MYO9A: variants seen among roughly 807,000 people sequenced by gnomAD.
The protein encoded by MYO9A is unconventional myosin-IXa.
A neutral mutation model predicts 293.3 loss-of-function variants in MYO9A; 103 were observed. The ratio of observed to expected loss-of-function variants is 0.35; its 90% CI spans 0.30 to 0.41. MYO9A has a LOEUF of 0.41. Among genes scored for constraint, MYO9A ranks in the 10% least tolerant of loss-of-function variants. The pLI is 1.00. For synonymous variants in MYO9A, 1,001 were observed against 1,035.7 expected, an observed-to-expected ratio of 0.97 and a Z score of 0.64; for missense variants, 2,685 against 3,033.0, an observed-to-expected ratio of 0.89 and a Z score of 2.69.
intron 6 of MYO9A, among the ~76,000 whole-genome samples, chr15:72,014,172 G>T (rs957763934): frequency 7.9e-5 from 12 of 152,180 alleles, no homozygotes; most frequent in Admixed American, 7.9e-4. Context: ...CAAGCAGCAA[G>T]CAGCATTGGC....
intron 26 of MYO9A, chr15:71,891,887 A>G (rs528385303): frequency 2.6e-5 from 4 of 152,328 alleles, no homozygotes; most frequent in African/African-American, 7.2e-5. Context: ...GACAATTCAA[A>G]CAGCTTAAAA....
At chr15:72,084,993 TCA>T (rs1371762637) in intron 1 of MYO9A, among the ~76,000 whole-genome samples, 1 of 152,242 alleles carries the variant, frequency 6.6e-6, no homozygotes, top group Admixed American at 6.5e-5. Context: ...TTTTGTTTGT[TCA>T]TCTTCATTCT....
At chr15:71,938,448 G>A (rs368184126) in intron 16 of MYO9A, among the ~76,000 whole-genome samples, 78 of 151,982 alleles carry the variant, frequency 5.1e-4, no homozygotes, top group Non-Finnish European at 2.4e-4. Flanking sequence ...TTTGGTAATC[G>A]CACTCACCCA....
rs755354325 is a variant in MYO9A, at chr15:71,897,733, G to A, written c.4770C>T (p.Ser1590=). Residue 1590 remains serine (S), a synonymous_variant, in exon 25 of 42, where the codon TCC becomes TCT. Transcript: ENST00000356056. ...GGTCCTTTGGGGGTAAGTGAGCAGAGGAACTGTCTTTTTGGGCAAGAGCTG... is the reference window on the plus strand; with the variant it reads ...GGTCCTTTGGGGGTAAGTGAGCAGAAGAACTGTCTTTTTGGGCAAGAGCTG... The part of the protein sequence containing the change: ...KDAALAQKDS[S]SAHLPPKDRP... 6.2e-7 allele frequency: 1 copy of A among 1,614,122 alleles called. No homozygotes were observed. Among genetic ancestry groups the A allele is most frequent in the Non-Finnish European group, 8.5e-7 (1 of 1,180,032 alleles).
At chr15:71,969,798 T>C (rs2147339503) in intron 12 of MYO9A, among the ~76,000 whole-genome samples, 1 of 152,272 alleles carries the variant, frequency 6.6e-6, no homozygotes, top group Non-Finnish European at 1.5e-5. Flanking sequence ...TGGATACTTA[T>C]TACATTACCA....
At position 72,092,801 on chromosome 15, in the gene MYO9A, T is replaced by TA. The variant is rs552710338; in HGVS notation, c.-72+24878dup. Among the ~76,000 whole-genome samples the TA allele has an allele frequency of 5.4e-3, 818 of 151,798 alleles. 8 individuals are homozygous for TA. The highest frequency in any genetic ancestry group is 0.019 in the African/African-American group (769 of 41,356). ...ATTTTTTTCCAACCATTTAAAAATG[T>TA]AAAAAAAACTCTACTAGCTTGCAGC... is the stretch of plus-strand genomic sequence containing the variant. On this transcript the variant is annotated intron_variant, in intron 1 of 41. Transcript: ENST00000356056.
chr15:72,009,035 A>G (rs2077098577), intron 7 of MYO9A, among the ~76,000 whole-genome samples: 1 of 152,174 alleles, frequency 6.6e-6, no homozygotes, highest in African/African-American at 2.4e-5. Context: ...TAAAGTTTTT[A>G]AATCTTTGAA....
chr15:71,896,735 A>C (rs2057339468), intron 25 of MYO9A, among the ~76,000 whole-genome samples: 1 of 151,858 alleles, frequency 6.6e-6, no homozygotes, highest in Non-Finnish European at 1.5e-5. Context: ...AGCTGAGATC[A>C]CACCACTGCA....
intron 18 of MYO9A, among the ~76,000 whole-genome samples, chr15:71,931,412 G>A (rs1000870733): frequency 2.6e-5 from 4 of 152,138 alleles, no homozygotes; most frequent in Non-Finnish European, 5.9e-5. Context: ...AGAGGATTTT[G>A]AATCCCACTA....
At chr15:71,854,349 C>A in intron 35 of MYO9A, 28 bp downstream of exon 35, 1 of 1,369,670 alleles carries the variant, frequency 7.3e-7, no homozygotes, top group Non-Finnish European at 9.6e-7. Context: ...AAAAGTATTT[C>A]ATTATGATTT....
intron 36 of MYO9A, 27 bp downstream of exon 36, chr15:71,852,105 T>C: frequency 6.3e-7 from 1 of 1,589,842 alleles, no homozygotes; most frequent in Non-Finnish European, 8.6e-7. Context: ...ATAGGCCTTC[T>C]CTCTAACCCA....
intron 3 of MYO9A, among the ~76,000 whole-genome samples, chr15:72,030,257 G>T (rs2077820401): frequency 6.6e-6 from 1 of 152,146 alleles, no homozygotes; most frequent in Non-Finnish European, 1.5e-5. Flanking sequence ...CAACCACCTT[G>T]CGTGGCAAAT....
intron 1 of MYO9A, among the ~76,000 whole-genome samples, chr15:72,104,572 T>C (rs2080503537): frequency 6.6e-6 from 1 of 152,226 alleles, no homozygotes; most frequent in South Asian, 2.1e-4. Context: ...TGCTCAAATA[T>C]TTTGATCAAT....
intron 39 of MYO9A, among the ~76,000 whole-genome samples, chr15:71,841,454 T>C (rs2055157071): frequency 1.3e-5 from 2 of 152,162 alleles, no homozygotes; most frequent in Non-Finnish European, 2.9e-5. Flanking sequence ...GCTTTTAAAA[T>C]ATCTATGAGG....
At chr15:71,899,121 G>A (rs2057412985) in intron 24 of MYO9A, 89 bp from the exon 25 acceptor site, 1 of 1,239,226 alleles carries the variant, frequency 8.1e-7, no homozygotes, top group Admixed American at 2.3e-5. Flanking sequence ...AAAAAATGCA[G>A]AGTTGTAAAA....
intron 6 of MYO9A, among the ~76,000 whole-genome samples, chr15:72,015,010 ATTT>A (rs34039364): frequency 2.2e-5 from 3 of 134,644 alleles, no homozygotes; most frequent in Admixed American, 7.6e-5. Flanking sequence ...CGCCCTGCTA[ATTT>A]TTTTTTTTTT....
chr15:71,995,990 TAGAAA>T (rs2076688016), intron 9 of MYO9A, among the ~76,000 whole-genome samples: 1 of 152,164 alleles, frequency 6.6e-6, no homozygotes, highest in Admixed American at 6.5e-5. Context: ...TCTTCAACAC[TAGAAA>T]CCTGTATTAT....
chr15:71,896,846 A>G (rs953670297), intron 25 of MYO9A: 1 of 152,146 alleles, frequency 6.6e-6, no homozygotes, highest in African/African-American at 2.4e-5. Flanking sequence ...GGAAACAGAA[A>G]GTAGAATGAT....
chr15:71,846,342 C>T (rs1426118327), intron 39 of MYO9A, among the ~76,000 whole-genome samples: 1 of 152,160 alleles, frequency 6.6e-6, no homozygotes, highest in East Asian at 1.9e-4. Context: ...TCCTCCCAGT[C>T]TCAACATCAG....
Sources: allele counts gnomAD v4.1 joint callset (sites outside exome capture counted in the v4.1 genomes callset), GRCh38; gene constraint gnomAD v4.1.1; transcripts MANE v1.5; gene names NCBI Gene and HGNC (gene_info 2026-07-23, HGNC 2026-07-21).